The following PTPRN2 variants were observed in gnomAD, a reference collection of about 807,000 sequenced individuals.
PTPRN2 encodes protein tyrosine phosphatase receptor type N2.
Under a neutral mutation model 118.8 loss-of-function variants are expected in PTPRN2, and 74 were observed. That is an observed-to-expected ratio of 0.62 (90% CI 0.52 to 0.76). The LOEUF is 0.76. Ranked by LOEUF, PTPRN2 falls within the 30% of genes least tolerant of loss-of-function variation. The pLI is 0.00. For missense variants in PTPRN2, 1,481 were observed against 1,394.4 expected (o/e 1.06, Z -0.99); for synonymous variants, 641 against 608.0 (o/e 1.05, Z -0.80).
At chr7:158,184,272 G>T (rs545794247) in intron 5 of PTPRN2, among the ~76,000 whole-genome samples, 1 of 151,832 alleles carries the variant, frequency 6.6e-6, no homozygotes, top group African/African-American at 2.4e-5. Context: ...CCATTAATTT[G>T]TCTTATTGTT....
rs1255011180 is a variant in PTPRN2 at position 158,413,080 on chromosome 7, G to GCCCTCCTCAGCTCCAGGACCCATCCAGCA, written c.163+76626_163+76654dup. Among the ~76,000 whole-genome samples, 25 of 127,766 alleles carry GCCCTCCTCAGCTCCAGGACCCATCCAGCA rather than the reference G, an allele frequency of 2.0e-4. 2 individuals are homozygous for GCCCTCCTCAGCTCCAGGACCCATCCAGCA. Among genetic ancestry groups the GCCCTCCTCAGCTCCAGGACCCATCCAGCA allele is most frequent in the Admixed American group, 1.6e-3 (21 of 12,820 alleles). 83.8% of individuals were successfully genotyped at this position (127,766 alleles called of 152,430 possible). A position where few individuals can be genotyped will look rare whatever the true frequency, so the allele number is the denominator to read the frequency against. ...TCTCAGCTCCAGGGCCCGTCTCAGC[G>GCCCTCCTCAGCTCCAGGACCCATCCAGCA]CCCTCCTCAGCTCCAGGACCCATCC... On this transcript the variant is annotated intron_variant, in intron 2 of 22. Coordinates refer to ENST00000389418, the MANE Select transcript of PTPRN2 (RefSeq NM_002847.5).
intron 12 of PTPRN2, among the ~76,000 whole-genome samples, chr7:157,878,361 C>A (rs1349745225): frequency 6.7e-6 from 1 of 149,764 alleles, no homozygotes; most frequent in Non-Finnish European, 1.5e-5. Context: ...ATACCATGCA[C>A]CCACACTTAC....
Position 157,583,059 on chromosome 7 carries a change from A to G in PTPRN2, c.2497-4919T>C, listed in dbSNP as rs1169280666. 6.6e-6 allele frequency among the ~76,000 whole-genome samples: 1 copy of G among 152,172 alleles called. No homozygotes were observed. Among genetic ancestry groups the G allele is most frequent in the East Asian group, 1.9e-4 (1 of 5,200 alleles). ...TGCAGAACTATTCACAATAAACAAG[A>G]TTTGGAACAACCCACATGTCTGTCA... is the stretch of plus-strand genomic sequence containing the variant. On this transcript the variant is annotated intron_variant, in intron 17 of 22. Transcript: ENST00000389418. The surrounding 1 kb of genome is among the most constrained non-coding windows in gnomAD (Gnocchi z 5.5).
At chr7:158,550,228 T>G (rs1405884044) in intron 1 of PTPRN2, among the ~76,000 whole-genome samples, 1 of 152,156 alleles carries the variant, frequency 6.6e-6, no homozygotes, top group African/African-American at 2.4e-5. Context: ...CACGTCCCGA[T>G]AGGAAGCCTG....
chr7:158,182,339 CT>C (rs1234961709), intron 5 of PTPRN2, among the ~76,000 whole-genome samples: 3 of 152,186 alleles, frequency 2.0e-5, no homozygotes, highest in South Asian at 2.1e-4. Flanking sequence ...AGTATACAGT[CT>C]TTTTTTGTTT....
intron 5 of PTPRN2, among the ~76,000 whole-genome samples, 165 bp downstream of exon 5, chr7:158,192,162 G>A (rs962853747): frequency 2.6e-5 from 4 of 152,156 alleles, no homozygotes; most frequent in Admixed American, 6.5e-5. Context: ...AGCAGGTGTC[G>A]CTCTAAGGGG....
chr7:158,056,381 T>C (rs1055571214), intron 11 of PTPRN2, among the ~76,000 whole-genome samples: 3 of 152,258 alleles, frequency 2.0e-5, no homozygotes, highest in Non-Finnish European at 4.4e-5. Flanking sequence ...GCACTGGATT[T>C]GGTGCTCAAA....
intron 6 of PTPRN2, among the ~76,000 whole-genome samples, chr7:158,155,206 C>G (rs1821591092): frequency 6.6e-6 from 1 of 152,186 alleles, no homozygotes; most frequent in Admixed American, 6.5e-5. Context: ...TCTCAACTGC[C>G]ACAGCCAGGC....
intron 13 of PTPRN2, among the ~76,000 whole-genome samples, chr7:157,660,178 G>C (rs1289077575): frequency 6.6e-6 from 1 of 152,166 alleles, no homozygotes; most frequent in East Asian, 1.9e-4. Flanking sequence ...ACCAAAGCAT[G>C]AGAACAGCTA....
At position 157,540,655 on chromosome 7, in the gene PTPRN2, C is replaced by A; in HGVS notation, c.*59G>T. On this transcript the variant is annotated 3_prime_UTR_variant, in exon 23 of 23. Transcript: ENST00000389418. ...AGAAGACACACAATTAAAGTCAGAT[C>A]ATGATTCCTGACAACATCCGTGGGG... 1 of 1,384,846 alleles carries A rather than the reference C, an allele frequency of 7.2e-7. No homozygotes were observed. Among genetic ancestry groups the A allele is most frequent in the Non-Finnish European group, 1.0e-6 (1 of 999,952 alleles). 85.8% of individuals were successfully genotyped at this position (1,384,846 alleles called of 1,614,324 possible).
chr7:158,337,359 T>TACCTCACA (rs1805827333), intron 2 of PTPRN2, among the ~76,000 whole-genome samples: 1 of 85,420 alleles, frequency 1.2e-5, no homozygotes, highest in African/African-American at 4.1e-5. Flanking sequence ...CCTGCAGACG[T>TACCTCACA]CCCTCACACC....
At chr7:158,072,112 A>ATGGTGGAGGTGCTCG (rs1563395108) in intron 11 of PTPRN2, among the ~76,000 whole-genome samples, 13 of 126,990 alleles carry the variant, frequency 1.0e-4, no homozygotes, top group Admixed American at 1.5e-4. Context: ...GGAGGTGCTC[A>ATGGTGGAGGTGCTCG]TGGTGGTGGA....
chr7:158,314,656 C>T (rs1362506879), intron 3 of PTPRN2, among the ~76,000 whole-genome samples: 1 of 140,780 alleles, frequency 7.1e-6, no homozygotes, highest in Non-Finnish European at 1.5e-5. Context: ...GCCCGGCGCC[C>T]TGGCCCACAC....
rs145543003 is a variant in PTPRN2 at position 157,797,088 on chromosome 7, A to C, written c.1788+101585T>G. ...CACTGGGGCCACAGCCGGGGATTCA[A>C]CTGCACCGAAATCCCAGCCCTCAAC... On this transcript the variant is annotated intron_variant, in intron 12 of 22. Coordinates refer to ENST00000389418, the MANE Select transcript of PTPRN2 (RefSeq NM_002847.5). Among the ~76,000 whole-genome samples the C allele has an allele frequency of 3.0e-3, 450 of 152,358 alleles. 6 individuals carry two copies. The highest frequency in any genetic ancestry group is 0.01 in the African/African-American group (422 of 41,590).
In PTPRN2 at chr7:157,676,835, G is replaced by C. The variant is rs566291235; in HGVS notation, c.2001+5890C>G. Among the ~76,000 whole-genome samples the C allele has an allele frequency of 3.5e-4, 53 of 152,340 alleles. No individual in the cohort carries two copies. The South Asian group carries it at 0.011, about 30-fold the overall frequency. On this transcript the variant is annotated intron_variant, in intron 13 of 22. Transcript: ENST00000389418. This position sits in a 1 kb window ranked among gnomAD's most constrained non-coding sequence, Gnocchi z 5.6. ...TAGGAACAGGGGCTCGGAAGGACCT[G>C]CTGTGCATGCAGGGGTCACCCCAGG...
At chr7:157,961,572 A>G (rs553470206) in intron 11 of PTPRN2, among the ~76,000 whole-genome samples, 60 of 152,278 alleles carry the variant, frequency 3.9e-4, no homozygotes, top group Non-Finnish European at 6.2e-4. Context: ...TAAAACAACA[A>G]CAATTTTAAA....
At chr7:158,331,095 C>T (rs1206844150) in intron 2 of PTPRN2, among the ~76,000 whole-genome samples, 3 of 111,928 alleles carry the variant, frequency 2.7e-5, no homozygotes, top group African/African-American at 6.8e-5. Context: ...AGCTGATGCC[C>T]GCAGACGTCA....
chr7:158,421,877 T>C (rs1233748964), intron 2 of PTPRN2, among the ~76,000 whole-genome samples: 2 of 152,188 alleles, frequency 1.3e-5, no homozygotes, highest in South Asian at 2.1e-4. Flanking sequence ...TTATTAGCCC[T>C]AAGGTTTGGG....
At chr7:158,120,453 T>G (rs1302137563) in intron 9 of PTPRN2, among the ~76,000 whole-genome samples, 1 of 152,144 alleles carries the variant, frequency 6.6e-6, no homozygotes, top group Non-Finnish European at 1.5e-5. Context: ...TGTACCAGCC[T>G]TCGTCCAATC....
Sources: allele counts gnomAD v4.1 joint callset (sites outside exome capture counted in the v4.1 genomes callset), GRCh38; gene constraint gnomAD v4.1.1; non-coding constraint Gnocchi (gnomAD v3.1); transcripts MANE v1.5; gene names NCBI Gene and HGNC (gene_info 2026-07-23, HGNC 2026-07-21).